GPLD1: variants seen among roughly 807,000 people sequenced by gnomAD.
GPLD1 encodes phosphatidylinositol-glycan-specific phospholipase D.
GPLD1 carries 84 observed loss-of-function variants against 112.6 expected under a neutral mutation model. The ratio of observed to expected loss-of-function variants is 0.75; its 90% CI spans 0.63 to 0.89. The LOEUF is 0.89. Ranked by LOEUF, GPLD1 falls within the 40% of genes least tolerant of loss-of-function variation. The probability of loss-of-function intolerance (pLI) is 0.00; values close to 1 mark genes in which losing one functional copy is unlikely to be tolerated. For missense variants in GPLD1, 1,044 were observed against 1,051.5 expected, an observed-to-expected ratio of 0.99 and a Z score of 0.10; for synonymous variants, 386 against 403.8, an observed-to-expected ratio of 0.96 and a Z score of 0.53.
At chr6:24,470,076 C>G (rs1361679307) in intron 7 of GPLD1, among the ~76,000 whole-genome samples, 1 of 152,050 alleles carries the variant, frequency 6.6e-6, no homozygotes, top group Non-Finnish European at 1.5e-5. Flanking sequence ...CCAGCTTTTG[C>G]CCTGAGAACG....
rs769612500 is a variant in GPLD1 at position 24,454,158 on chromosome 6, G to A, written c.1192C>T (p.Leu398Phe). The stretch of plus-strand genomic sequence containing the variant: ...CTGTAGCCTGGTGCGCCCACCACGA[G>A]GTCACCGTGCCCATCCTGGTTGAGG... Reference protein sequence around the residue: ...ADLNQDGHGDLVVGAPGYSRP... With the variant: ...ADLNQDGHGDFVVGAPGYSRP... The change falls in exon 14 of 25, where the codon CTC (leucine) becomes TTC (phenylalanine). Residue 398 changes from leucine to phenylalanine, a missense_variant. By Grantham distance (22) the Leu-to-Phe change is conservative. Transcript: ENST00000230036. 1.7e-5 allele frequency: 28 copies of A among 1,613,846 alleles called. No homozygotes were observed. The highest frequency in any genetic ancestry group is 2.3e-5 in the Non-Finnish European group (27 of 1,179,882).
rs1762246920 is a variant in GPLD1, at chr6:24,426,632, A to G, written c.*2400T>C. Among the ~76,000 whole-genome samples, 1 of 152,254 alleles carries G rather than the reference A, an allele frequency of 6.6e-6. No individual in the cohort carries two copies. The highest frequency in any genetic ancestry group is 1.5e-5 in the Non-Finnish European group (1 of 68,044). On this transcript the variant is annotated 3_prime_UTR_variant, in exon 25 of 25. Coordinates refer to ENST00000230036, the MANE Select transcript of GPLD1 (RefSeq NM_001503.4). The stretch of plus-strand genomic sequence containing the variant: ...AGTGAAGCATAAAAACTGACACTAT[A>G]TAAATGCATCCGTCTAATGAAAAGA...
At chr6:24,462,228 G>A (rs1763461243) in intron 11 of GPLD1, among the ~76,000 whole-genome samples, 1 of 152,100 alleles carries the variant, frequency 6.6e-6, no homozygotes, top group African/African-American at 2.4e-5. Flanking sequence ...GAACTCCTAG[G>A]CTCAAGCAAT....
chr6:24,464,184 G>A (rs1364489245), intron 10 of GPLD1, among the ~76,000 whole-genome samples: 1 of 152,074 alleles, frequency 6.6e-6, no homozygotes, highest in Non-Finnish European at 1.5e-5. Context: ...CTTAGTAAGT[G>A]CTTACTCTAT....
Position 24,429,035 on chromosome 6 carries a change from A to T in GPLD1, c.2520T>A (p.Asp840Glu). ...GTGGGGAAATGCAGTGAAATCTTCA[A>T]TCTGAGCCAAGGCTATAGACGTGAA... ...GALHVYSLGS[D>E] is the part of the protein sequence containing the mutation. Residue 840 changes from aspartate to glutamate, a missense_variant, in exon 25 of 25, where the codon GAT becomes GAA. Asp to Glu is a conservative substitution (Grantham distance 45, BLOSUM62 2). Transcript: ENST00000230036. The T allele has an allele frequency of 6.2e-7, 1 of 1,607,684 alleles. No individual in the cohort carries two copies. The highest frequency in any genetic ancestry group is 8.5e-7 in the Non-Finnish European group (1 of 1,174,788).
intron 20 of GPLD1, among the ~76,000 whole-genome samples, chr6:24,444,739 A>T (rs996995947): frequency 6.6e-6 from 1 of 152,068 alleles, no homozygotes; most frequent in Non-Finnish European, 1.5e-5. Flanking sequence ...AGTCGCAGCT[A>T]CTCAGGAGGC....
intron 7 of GPLD1, 56 bp from the exon 8 acceptor site, chr6:24,467,330 A>G (rs1763653259): frequency 1.1e-6 from 1 of 938,812 alleles, no homozygotes; most frequent in African/African-American, 1.6e-5. Flanking sequence ...GAAAATAGTA[A>G]CAACAGCAGC....
chr6:24,495,284 A>G (rs1554135737), upstream of GPLD1: 2 of 1,532,372 alleles, frequency 1.3e-6, no homozygotes, highest in Non-Finnish European at 1.7e-6. Flanking sequence ...GCGGGGTGCG[A>G]GAGGCCCGCG....
Position 24,433,355 on chromosome 6 carries a change from ATACT to A in GPLD1, c.2385+4_2385+7del, listed in dbSNP as rs771301468. On this transcript the variant is annotated splice_donor_5th_base_variant and intron_variant, in intron 23 of 24. Transcript: ENST00000230036. ...TTTTCTTTCTTCAGTCTTTCAAGGG[ATACT>A]TACTTCAGGAGAAATCAATACATAT... The A allele has an allele frequency of 6.5e-5, 105 of 1,608,470 alleles. No homozygotes were observed. Among genetic ancestry groups the A allele is most frequent in the Middle Eastern group, 3.3e-4 (2 of 6,066 alleles).
At chr6:24,449,729 C>T in intron 15 of GPLD1, 60 bp downstream of exon 15, 1 of 1,171,756 alleles carries the variant, frequency 8.5e-7, no homozygotes, top group Non-Finnish European at 1.3e-6. Context: ...CGTTGGCCTC[C>T]CTCAGAGTCC....
At chr6:24,461,856 A>G (rs757973595) in intron 11 of GPLD1, among the ~76,000 whole-genome samples, 11 of 152,188 alleles carry the variant, frequency 7.2e-5, no homozygotes, top group Admixed American at 3.3e-4. Flanking sequence ...TTAATAAATG[A>G]TATTTTATTA....
At position 24,489,411 on chromosome 6, in the gene GPLD1, T is replaced by G. The variant is rs760494222; in HGVS notation, c.97+4A>C. 6.3e-7 allele frequency: 1 copy of G among 1,581,270 alleles called. No individual in the cohort carries two copies. Among genetic ancestry groups the G allele is most frequent in the Middle Eastern group, 1.7e-4 (1 of 6,008 alleles). ...CAACAACATAACAAGACACCAGTAC[T>G]TACCTATTTCTACGTGTGTTGAAAG... On this transcript the variant is annotated splice_donor_region_variant and intron_variant, in intron 1 of 24. Transcript: ENST00000230036.
chr6:24,472,292 T>C (rs1426140685), intron 7 of GPLD1, among the ~76,000 whole-genome samples: 1 of 152,074 alleles, frequency 6.6e-6, no homozygotes, highest in African/African-American at 2.4e-5. Context: ...CAATACCAAG[T>C]ATTGGAGAAT....
At chr6:24,446,013 C>G (rs925884062) in intron 18 of GPLD1, among the ~76,000 whole-genome samples, 182 bp from the exon 19 acceptor site, 2 of 152,054 alleles carry the variant, frequency 1.3e-5, no homozygotes, top group African/African-American at 4.8e-5. Context: ...CCAGGCTCTC[C>G]AGGTGCCACA....
chr6:24,451,831 T>C (rs1763100563), intron 14 of GPLD1, among the ~76,000 whole-genome samples: 1 of 152,188 alleles, frequency 6.6e-6, no homozygotes, highest in South Asian at 2.1e-4. Flanking sequence ...TAAGGTTGCC[T>C]GGGGACACAA....
Position 24,445,715 on chromosome 6 carries a change from GCTTGTCATAC to G in GPLD1, c.1926+1_1926+10del. On this transcript the variant is annotated splice_donor_variant and splice_donor_5th_base_variant and intron_variant, in intron 19 of 24. Coordinates refer to ENST00000230036, the MANE Select transcript of GPLD1 (RefSeq NM_001503.4). LOFTEE classifies it high-confidence loss of function. ...GTGTCCACTCTCCTGTGTGGGGAGGGCTTGTCATACCTTGTCTCCAGAAATGGTAAACCAG... is the reference window on the plus strand; with the variant it reads ...GTGTCCACTCTCCTGTGTGGGGAGGGCTTGTCTCCAGAAATGGTAAACCAG... 6.2e-7 allele frequency: 1 copy of G among 1,606,304 alleles called. No individual in the cohort carries two copies. The highest frequency in any genetic ancestry group is 8.5e-7 in the Non-Finnish European group (1 of 1,172,918).
At chr6:24,469,108 T>C (rs1349426995) in intron 7 of GPLD1, among the ~76,000 whole-genome samples, 1 of 152,188 alleles carries the variant, frequency 6.6e-6, no homozygotes, top group Admixed American at 6.5e-5. Flanking sequence ...AATTTAAAAA[T>C]CCTCAAAAGT....
At chr6:24,480,585 A>G (rs1209086311) in intron 2 of GPLD1, among the ~76,000 whole-genome samples, 6 of 152,258 alleles carry the variant, frequency 3.9e-5, no homozygotes, top group African/African-American at 1.4e-4. Flanking sequence ...AAGCACGCAC[A>G]TATGTGCATA....
intron 1 of GPLD1, 68 bp from the exon 2 acceptor site, chr6:24,486,198 A>G: frequency 2.1e-6 from 2 of 938,586 alleles, no homozygotes; most frequent in Non-Finnish European, 3.4e-6. Context: ...AGGCGAGATG[A>G]TTTTAAAAGA....
Sources: gnomAD v4.1 joint callset for allele counts (sites outside exome capture counted in the v4.1 genomes callset) on GRCh38, gnomAD v4.1.1 for gene constraint, MANE v1.5 for transcripts, NCBI Gene and HGNC (gene_info 2026-07-23, HGNC 2026-07-21) for gene names.